The following CDK14 variants were observed in gnomAD, a reference collection of about 807,000 sequenced individuals.
CDK14 encodes cyclin-dependent kinase 14.
A neutral mutation model predicts 60.7 loss-of-function variants in CDK14; 34 were observed. The ratio of observed to expected loss-of-function variants is 0.56; its 90% confidence interval spans 0.43 to 0.75. The LOEUF is 0.75. Ranked by LOEUF, CDK14 falls within the 30% of genes least tolerant of loss-of-function variation. The pLI, the probability that CDK14 is intolerant of heterozygous loss-of-function variation, is 0.00. For synonymous variants in CDK14, 197 were observed against 203.7 expected, an observed-to-expected ratio of 0.97 and a Z score of 0.28; for missense variants, 482 against 564.1, an observed-to-expected ratio of 0.85 and a Z score of 1.47.
chr7:91,147,994 G>A (rs1271465754), intron 14 of CDK14, among the ~76,000 whole-genome samples: 1 of 152,160 alleles, frequency 6.6e-6, no homozygotes, highest in African/African-American at 2.4e-5. Context: ...ACACACATAT[G>A]CATATATAAT....
chr7:91,019,133 G>A (rs912315620), intron 10 of CDK14, among the ~76,000 whole-genome samples: 1 of 152,150 alleles, frequency 6.6e-6, no homozygotes, highest in African/African-American at 2.4e-5. Context: ...GACAGAGCCT[G>A]GCATATAGTA....
chr7:90,599,411 G>A (rs1265293844), intron 1 of CDK14, among the ~76,000 whole-genome samples: 1 of 152,190 alleles, frequency 6.6e-6, no homozygotes, highest in Admixed American at 6.5e-5. Flanking sequence ...TTTGAACTGG[G>A]TTTTCGCTGC....
chr7:90,719,443 C>G (rs940934488), intron 2 of CDK14, among the ~76,000 whole-genome samples: 1 of 152,168 alleles, frequency 6.6e-6, no homozygotes, highest in Admixed American at 6.6e-5. Context: ...CTGAATTAAG[C>G]TGTGCTCTTT....
intron 2 of CDK14, among the ~76,000 whole-genome samples, chr7:90,643,767 C>T (rs1800399166): frequency 1.3e-5 from 2 of 152,200 alleles, no homozygotes; most frequent in Admixed American, 1.3e-4. Context: ...GCCAAGCCAA[C>T]AGCCCTACTC....
intron 14 of CDK14, among the ~76,000 whole-genome samples, chr7:91,170,755 ATCTTTTTTTTTT>A (rs1475324761): frequency 1.3e-5 from 2 of 150,252 alleles, no homozygotes; most frequent in African/African-American, 2.5e-5. Context: ...TCTGTTTTCA[ATCTTTTTTTTTT>A]TCTTTTTTTT....
intron 10 of CDK14, among the ~76,000 whole-genome samples, chr7:90,986,943 A>G (rs1230482017): frequency 6.6e-6 from 1 of 151,976 alleles, no homozygotes; most frequent in Non-Finnish European, 1.5e-5. Flanking sequence ...TAAAAAGGGA[A>G]TTATACTGAA....
At chr7:90,616,844 C>T (rs1206944303) in intron 2 of CDK14, among the ~76,000 whole-genome samples, 6 of 151,996 alleles carry the variant, frequency 3.9e-5, no homozygotes, top group African/African-American at 1.4e-4. Context: ...TCAGCATTCC[C>T]TTTAGTTACC....
At chr7:90,624,046 A>T (rs1333141247) in intron 2 of CDK14, among the ~76,000 whole-genome samples, 1 of 152,216 alleles carries the variant, frequency 6.6e-6, no homozygotes, top group African/African-American at 2.4e-5. Flanking sequence ...ATGATATTTC[A>T]GTGAATTTTT....
chr7:90,808,061 A>G lies in CDK14; in HGVS notation c.544+17409A>G, dbSNP rs549111104. ...ACTCAGCAAGATATTACCCAGGAGAAGTTCCCTAATCTAGCAAGGCAGGCC... is the reference window on the plus strand; with the variant it reads ...ACTCAGCAAGATATTACCCAGGAGAGGTTCCCTAATCTAGCAAGGCAGGCC... On this transcript the variant is annotated intron_variant, in intron 5 of 14. Transcript: ENST00000380050. Among the ~76,000 whole-genome samples, 8 of 152,374 alleles carry G rather than the reference A, an allele frequency of 5.3e-5. No individual in the cohort carries two copies. The East Asian group carries it at 1.4e-3, about 26-fold the overall frequency.
intron 11 of CDK14, among the ~76,000 whole-genome samples, chr7:91,056,624 G>T (rs538769303): frequency 7.3e-6 from 1 of 136,310 alleles, no homozygotes; most frequent in East Asian, 2.3e-4. Context: ...TGTTCTCATT[G>T]TTCAATTCCC....
At chr7:90,891,333 G>A (rs940525102) in intron 6 of CDK14, among the ~76,000 whole-genome samples, 4 of 152,136 alleles carry the variant, frequency 2.6e-5, no homozygotes, top group Non-Finnish European at 4.4e-5. Flanking sequence ...CTTTTGCACC[G>A]TATTGACTAG....
At chr7:91,155,671 T>C (rs1995899) in intron 14 of CDK14, among the ~76,000 whole-genome samples, 56,436 of 152,096 alleles carry the variant, frequency 0.37, 10,757 homozygotes, top group African/African-American at 0.44. Flanking sequence ...TACTAGAAAA[T>C]AAACAAGATT....
At chr7:90,952,959 T>C (rs952101825) in intron 8 of CDK14, among the ~76,000 whole-genome samples, 1 of 152,200 alleles carries the variant, frequency 6.6e-6, no homozygotes, top group African/African-American at 2.4e-5. Flanking sequence ...AATGTAGTTA[T>C]ATATATTTAT....
chr7:90,693,079 G>A (rs1460276793), intron 2 of CDK14, among the ~76,000 whole-genome samples: 2 of 151,960 alleles, frequency 1.3e-5, no homozygotes, highest in Non-Finnish European at 2.9e-5. Context: ...TGAAAAGCCT[G>A]GTTTCTTTTT....
At chr7:90,778,032 C>T (rs1805122765) in intron 4 of CDK14, among the ~76,000 whole-genome samples, 1 of 152,176 alleles carries the variant, frequency 6.6e-6, no homozygotes, top group Non-Finnish European at 1.5e-5. Context: ...TGAGTGTTTA[C>T]TTCTGCTTTA....
At chr7:90,826,860 C>A (rs1365935162) in intron 5 of CDK14, among the ~76,000 whole-genome samples, 2 of 151,992 alleles carry the variant, frequency 1.3e-5, no homozygotes, top group African/African-American at 2.4e-5. Flanking sequence ...TCAATTGATA[C>A]AATTGATGAA....
At chr7:91,088,683 T>C (rs1391062466) in intron 12 of CDK14, among the ~76,000 whole-genome samples, 3 of 152,070 alleles carry the variant, frequency 2.0e-5, no homozygotes, top group Non-Finnish European at 4.4e-5. Flanking sequence ...TTATACAGCA[T>C]ATCTTTGTGT....
intron 2 of CDK14, chr7:90,709,282 T>C (rs1801974491): frequency 3.6e-6 from 2 of 557,652 alleles, no homozygotes; most frequent in Non-Finnish European, 5.7e-6. Flanking sequence ...TGCATGATGG[T>C]GGCTGAAACT....
intron 11 of CDK14, among the ~76,000 whole-genome samples, chr7:91,074,764 AAG>A (rs1798247431): frequency 6.6e-6 from 1 of 151,998 alleles, no homozygotes; most frequent in Non-Finnish European, 1.5e-5. Context: ...GACTAATGAA[AAG>A]AGAGAAGAAT....
Sources: allele counts gnomAD v4.1 joint callset (sites outside exome capture counted in the v4.1 genomes callset), GRCh38; gene constraint gnomAD v4.1.1; transcripts MANE v1.5; gene names NCBI Gene and HGNC (gene_info 2026-07-23, HGNC 2026-07-21).